The following FBN1 variants were observed in gnomAD, a reference collection of about 807,000 sequenced individuals.
FBN1 encodes fibrillin 1.
FBN1 carries 29 observed loss-of-function variants against 365.1 expected under a neutral mutation model. The observed-to-expected ratio is 0.08, with a 90% CI of 0.06 to 0.11. The LOEUF (loss-of-function observed/expected upper bound fraction) is 0.11. Ranked by LOEUF, FBN1 falls within the 10% of genes least tolerant of loss-of-function variation. FBN1 has a pLI of 1.00. For synonymous variants in FBN1, 1,210 were observed against 1,270.5 expected (o/e 0.95, Z 1.01); for missense variants, 2,476 against 3,703.2 (o/e 0.67, Z 8.60).
At chr15:48,644,244 G>A (rs1370820316) in intron 2 of FBN1, 1 of 255,308 alleles carries the variant, frequency 3.9e-6, no homozygotes, top group Non-Finnish European at 7.7e-6. Context: ...CCCAAGGAAA[G>A]TACTTTCCTC....
intron 35 of FBN1, among the ~76,000 whole-genome samples, chr15:48,471,289 C>T (rs2043374880): frequency 6.6e-6 from 1 of 152,144 alleles, no homozygotes; most frequent in Non-Finnish European, 1.5e-5. Flanking sequence ...TGTTAACATT[C>T]TTCGTGTGCA....
chr15:48,524,273 TGGTGGCAGCA>T (rs1174396512), intron 9 of FBN1, among the ~76,000 whole-genome samples: 2 of 152,108 alleles, frequency 1.3e-5, no homozygotes, highest in African/African-American at 2.4e-5. Flanking sequence ...TCTCAGAATG[TGGTGGCAGCA>T]GGTGACAGTT....
intron 6 of FBN1, among the ~76,000 whole-genome samples, chr15:48,549,112 G>A (rs1024558864): frequency 6.6e-5 from 10 of 152,276 alleles, no homozygotes; most frequent in South Asian, 4.1e-4. Flanking sequence ...GTAGTTGTAC[G>A]GCTAAAAGTT....
chr15:48,476,589 CTTCT>C lies in FBN1; in HGVS notation c.3965-1943_3965-1940del, dbSNP rs751632189. Among the ~76,000 whole-genome samples, 592 of 149,416 alleles carry C rather than the reference CTTCT, an allele frequency of 4.0e-3. 3 individuals are homozygous for C. Among genetic ancestry groups the C allele is most frequent in the Middle Eastern group, 6.8e-3 (2 of 294 alleles). ...CTTGGGCCACAGCTGCCTAGCTGAG[CTTCT>C]TTCTTTCTTTTCTTTTCTTTTTTTT... On this transcript the variant is annotated intron_variant, in intron 32 of 65. Transcript: ENST00000316623.
chr15:48,526,127 T>C lies in FBN1; in HGVS notation c.988+3A>G. 1.2e-6 allele frequency: 2 copies of C among 1,614,146 alleles called. No individual in the cohort carries two copies. Among genetic ancestry groups the C allele is most frequent in the Non-Finnish European group, 1.7e-6 (2 of 1,179,990 alleles). On this transcript the variant is annotated splice_donor_region_variant and intron_variant, in intron 9 of 65. Coordinates refer to ENST00000316623, the MANE Select transcript of FBN1 (RefSeq NM_000138.5). ...CATGCATGCTGTTTGTCATTAAACC[T>C]ACCTATGCATCTGGTACCATCTGGA...
chr15:48,626,213 C>G (rs1444313770), intron 2 of FBN1, among the ~76,000 whole-genome samples: 1 of 149,374 alleles, frequency 6.7e-6, no homozygotes, highest in Non-Finnish European at 1.5e-5. Flanking sequence ...GCCGCAATCA[C>G]GCCACTGCAC....
intron 6 of FBN1, among the ~76,000 whole-genome samples, chr15:48,576,730 A>G (rs2140680766): frequency 6.6e-6 from 1 of 152,344 alleles, no homozygotes; most frequent in African/African-American, 2.4e-5. Flanking sequence ...TAAGGATACA[A>G]CAAAGTGTGG....
intron 6 of FBN1, among the ~76,000 whole-genome samples, chr15:48,580,582 G>A (rs2044383876): frequency 6.6e-6 from 1 of 152,078 alleles, no homozygotes; most frequent in South Asian, 2.1e-4. Context: ...CCCACAGGAA[G>A]GCATGGGAAA....
At position 48,481,440 on chromosome 15, in the gene FBN1, T is replaced by C. The variant is rs541696539; in HGVS notation, c.3964+215A>G. On this transcript the variant is annotated intron_variant, in intron 32 of 65. Coordinates refer to ENST00000316623, the MANE Select transcript of FBN1 (RefSeq NM_000138.5). ...TGTTAATTTATTCAATACACCTTTT[T>C]CCCCCCACAGGTCAAGAAAAAAACC... Among the ~76,000 whole-genome samples the C allele has an allele frequency of 1.7e-4, 26 of 151,888 alleles. 1 individual carries two copies. Among genetic ancestry groups the C allele is most frequent in the African/African-American group, 5.6e-4 (23 of 41,402 alleles).
At chr15:48,569,617 C>T (rs767566215) in intron 6 of FBN1, among the ~76,000 whole-genome samples, 1 of 152,078 alleles carries the variant, frequency 6.6e-6, no homozygotes, top group Non-Finnish European at 1.5e-5. Context: ...TATATCCTTA[C>T]AATGGAATAT....
Position 48,468,473 on chromosome 15 carries a change from G to A in FBN1, c.4521C>T (p.Gly1507=), listed in dbSNP as rs1425634624. The change falls in exon 37 of 66, where the codon GGC becomes GGT. Residue 1507 remains glycine (G), a synonymous_variant. Coordinates refer to ENST00000316623, the MANE Select transcript of FBN1 (RefSeq NM_000138.5). ...CAGGTGGGCAGTCACAGATATAGCT[G>A]CCTGGAGTGTTGACACAGTTCCCAC... ...CISGNCVNTP[G]SYICDCPPDF... is the part of the protein sequence containing the mutation. 2.5e-6 allele frequency: 4 copies of A among 1,614,026 alleles called. No individual in the cohort carries two copies. Among genetic ancestry groups the A allele is most frequent in the Admixed American group, 1.7e-5 (1 of 60,006 alleles).
intron 6 of FBN1, among the ~76,000 whole-genome samples, chr15:48,589,701 C>T (rs1253750901): frequency 1.3e-5 from 2 of 150,744 alleles, no homozygotes; most frequent in Non-Finnish European, 2.9e-5. Context: ...GCAAGCTCCA[C>T]CTCCTGGGTT....
chr15:48,641,020 C>T lies in FBN1; in HGVS notation c.164+3586G>A, dbSNP rs541898973. ...TATGATTTTATTATTTTTCATAAAC[C>T]CATTTCACATATCAAGCAATGCCCA... On this transcript the variant is annotated intron_variant, in intron 2 of 65. Transcript: ENST00000316623. 10 of 151,962 alleles carry T rather than the reference C, an allele frequency of 6.6e-5. No homozygotes were observed. The South Asian group carries it at 2.1e-3, about 32-fold the overall frequency. 9.4% of individuals were successfully genotyped at this position (151,962 alleles called of 1,614,324 possible). A position where few individuals can be genotyped will look rare whatever the true frequency, so the allele number is the denominator to read the frequency against.
intron 42 of FBN1, among the ~76,000 whole-genome samples, chr15:48,462,872 G>A (rs970611100): frequency 2.6e-5 from 4 of 152,276 alleles, no homozygotes; most frequent in South Asian, 4.1e-4. Flanking sequence ...GTCTGGTTAC[G>A]TATTAGGGTA....
intron 32 of FBN1, chr15:48,476,616 T>C (rs892144697): frequency 6.0e-5 from 9 of 149,808 alleles, no homozygotes; most frequent in Non-Finnish European, 1.0e-4. Context: ...TTTTCTTTTT[T>C]TTTTTTTTTT....
rs557711086 is a variant in FBN1 at position 48,523,722 on chromosome 15, G to T, written c.988+2408C>A. Among the ~76,000 whole-genome samples, 183 of 147,516 alleles carry T rather than the reference G, an allele frequency of 1.2e-3. 6 individuals are homozygous for T. The Middle Eastern group carries it at 0.014, about 11-fold the overall frequency. ...CACCAAGGGTGGCTGGGGGGGGGGG[G>T]GAACCGTTGTGGTGGTATGTCACTT... On this transcript the variant is annotated intron_variant, in intron 9 of 65. Coordinates refer to ENST00000316623, the MANE Select transcript of FBN1 (RefSeq NM_000138.5).
chr15:48,504,616 C>T (rs1469205215), intron 16 of FBN1, among the ~76,000 whole-genome samples: 1 of 152,192 alleles, frequency 6.6e-6, no homozygotes, highest in Non-Finnish European at 1.5e-5. Context: ...CATAAAACTA[C>T]TATCATACAG....
chr15:48,600,193 T>C lies in FBN1; in HGVS notation c.388A>G (p.Ser130Gly). The C allele has an allele frequency of 6.2e-7, 1 of 1,614,128 alleles. No individual in the cohort carries two copies. Among genetic ancestry groups the C allele is most frequent in the Non-Finnish European group, 8.5e-7 (1 of 1,179,984 alleles). Residue 130 changes from serine (S) to glycine (G), a missense_variant, in exon 5 of 66, where the codon AGT (serine) becomes GGT (glycine). Physicochemically the swap from Ser to Gly is moderately conservative, Grantham distance 56. This residue lies in a region of FBN1 where 421 missense variants were observed against 520.1 expected (regional missense o/e 0.81). Coordinates refer to ENST00000316623, the MANE Select transcript of FBN1 (RefSeq NM_000138.5). ...TTCTGGCATAGACAGTGATCGTCAC[T>C]GCAGCTACCTCCATTCATACAGCGA... ...NIRCMNGGSC[S>G]DDHCLCQKGY...
chr15:48,458,626 C>T (rs373512047), intron 43 of FBN1, among the ~76,000 whole-genome samples: 5 of 152,226 alleles, frequency 3.3e-5, no homozygotes, highest in East Asian at 3.9e-4. Context: ...TTAACAATAA[C>T]GGGCTGAGTC....
Sources: allele counts gnomAD v4.1 joint callset (sites outside exome capture counted in the v4.1 genomes callset), GRCh38; gene constraint gnomAD v4.1.1; regional missense constraint gnomAD v4.1.1; transcripts MANE v1.5; gene names NCBI Gene and HGNC (gene_info 2026-07-23, HGNC 2026-07-21).